The following MDGA2 variants were observed in gnomAD, a reference collection of about 807,000 sequenced individuals.
MDGA2 encodes MAM domain containing glycosylphosphatidylinositol anchor 2.
In MDGA2, 40 loss-of-function variants were observed where a neutral mutation model predicts 117.8. The ratio of observed to expected loss-of-function variants is 0.34; its 90% CI spans 0.26 to 0.44. The LOEUF (loss-of-function observed/expected upper bound fraction) is 0.44. Ranked by LOEUF, MDGA2 falls within the 20% of genes least tolerant of loss-of-function variation. The pLI, the probability that MDGA2 is intolerant of heterozygous loss-of-function variation, is 1.00. For missense variants in MDGA2, 1,123 were observed against 1,250.6 expected (o/e 0.90, Z 1.54); for synonymous variants, 452 against 439.0 (o/e 1.03, Z -0.37).
At chr14:47,550,996 C>T (rs1895570245) in intron 1 of MDGA2, among the ~76,000 whole-genome samples, 1 of 151,960 alleles carries the variant, frequency 6.6e-6, no homozygotes, top group Admixed American at 6.6e-5. Context: ...ACCAACCTAG[C>T]CTTTTTAAAG....
intron 2 of MDGA2, among the ~76,000 whole-genome samples, chr14:47,269,663 T>C (rs1364353467): frequency 1.3e-5 from 2 of 152,156 alleles, no homozygotes; most frequent in Non-Finnish European, 2.9e-5. Flanking sequence ...GACTCTAGAA[T>C]TTGGTAAGTT....
At chr14:47,040,584 A>G (rs1236533118) in intron 7 of MDGA2, among the ~76,000 whole-genome samples, 1 of 152,150 alleles carries the variant, frequency 6.6e-6, no homozygotes, top group Non-Finnish European at 1.5e-5. Flanking sequence ...CTGAAGTTTC[A>G]CCAACTAGTT....
Position 47,090,383 on chromosome 14 carries a change from C to CAA in MDGA2, c.1195+6469_1195+6470dup, listed in dbSNP as rs11413326. Among the ~76,000 whole-genome samples, 207 of 149,948 alleles carry CAA rather than the reference C, an allele frequency of 1.4e-3. 2 individuals are homozygous for CAA. The highest frequency in any genetic ancestry group is 3.1e-3 in the African/African-American group (125 of 40,904). On this transcript the variant is annotated intron_variant, in intron 6 of 16. Transcript: ENST00000399232. ...TATTAGGACTCTTAGATCCTATCCA[C>CAA]AAAAAAAAAATGCTGAAATAATTCT...
intron 1 of MDGA2, among the ~76,000 whole-genome samples, chr14:47,388,677 G>T (rs10467721): frequency 0.18 from 27,725 of 152,126 alleles, 2,697 homozygotes; most frequent in Admixed American, 0.26. Flanking sequence ...GGGGTTTGGA[G>T]TGTGAGTTAT....
At chr14:47,494,276 T>G (rs1325154895) in intron 1 of MDGA2, among the ~76,000 whole-genome samples, 1 of 152,190 alleles carries the variant, frequency 6.6e-6, no homozygotes, top group Non-Finnish European at 1.5e-5. Flanking sequence ...CACATGAAAT[T>G]GAGTTTTATA....
intron 8 of MDGA2, among the ~76,000 whole-genome samples, chr14:47,002,607 T>C (rs1184957302): frequency 6.6e-6 from 1 of 151,928 alleles, no homozygotes. Flanking sequence ...TGCATGTCTG[T>C]AATCCCAGCT....
chr14:47,206,666 G>T (rs566243202), intron 3 of MDGA2, among the ~76,000 whole-genome samples: 14 of 152,106 alleles, frequency 9.2e-5, no homozygotes, highest in Non-Finnish European at 4.4e-5. Context: ...GAAGCTGGAG[G>T]ATTGCTTGAG....
chr14:47,634,009 T>C (rs1240445045), intron 1 of MDGA2, among the ~76,000 whole-genome samples: 1 of 152,128 alleles, frequency 6.6e-6, no homozygotes, highest in Non-Finnish European at 1.5e-5. Flanking sequence ...CCAAAGTGTA[T>C]GTAGCCAGTA....
intron 1 of MDGA2, among the ~76,000 whole-genome samples, chr14:47,639,428 G>A (rs2138241964): frequency 6.6e-6 from 1 of 152,196 alleles, no homozygotes; most frequent in East Asian, 1.9e-4. Context: ...GAATATAACA[G>A]AGACAGTAAT....
chr14:47,580,226 A>G (rs1184556589), intron 1 of MDGA2, among the ~76,000 whole-genome samples: 1 of 152,060 alleles, frequency 6.6e-6, no homozygotes, highest in Non-Finnish European at 1.5e-5. Flanking sequence ...TTTCTGAGGC[A>G]GGGAAGTCCA....
chr14:47,552,875 ACAT>A (rs1895611024), intron 1 of MDGA2, among the ~76,000 whole-genome samples: 1 of 152,208 alleles, frequency 6.6e-6, no homozygotes, highest in Non-Finnish European at 1.5e-5. Flanking sequence ...AGCTCTTGCT[ACAT>A]CATCTTTGTA....
At chr14:47,587,031 T>C (rs1896338247) in intron 1 of MDGA2, among the ~76,000 whole-genome samples, 1 of 151,906 alleles carries the variant, frequency 6.6e-6, no homozygotes, top group Non-Finnish European at 1.5e-5. Context: ...TTATGCTATG[T>C]GCTCCTACAA....
chr14:46,941,286 G>C (rs752148998), intron 9 of MDGA2, among the ~76,000 whole-genome samples: 3 of 152,188 alleles, frequency 2.0e-5, no homozygotes, highest in Non-Finnish European at 4.4e-5. Flanking sequence ...TAAGTAATGT[G>C]AAATTATAAG....
At chr14:47,641,129 A>C (rs572686480) in intron 1 of MDGA2, among the ~76,000 whole-genome samples, 8 of 152,210 alleles carry the variant, frequency 5.3e-5, no homozygotes, top group East Asian at 3.9e-4. Context: ...TCATATGTAC[A>C]CCTATACATA....
In MDGA2 at chr14:47,514,970, T is replaced by C. The variant is rs553481927; in HGVS notation, c.280+159547A>G. ...TTTAAGCCTAGTTATCTCTAAAATA[T>C]AGATTAACTATGTTTTGTCTCTTCA... On this transcript the variant is annotated intron_variant, in intron 1 of 16. Transcript: ENST00000399232. Among the ~76,000 whole-genome samples, 7 of 152,306 alleles carry C rather than the reference T, an allele frequency of 4.6e-5. No individual in the cohort carries two copies. In the South Asian group the frequency reaches 1.2e-3, roughly 27 times the overall value.
chr14:47,138,651 G>A lies in MDGA2; in HGVS notation c.792+5427C>T, dbSNP rs532779680. Among the ~76,000 whole-genome samples the A allele has an allele frequency of 2.0e-4, 31 of 152,048 alleles. No homozygotes were observed. The South Asian group carries it at 2.3e-3, about 11-fold the overall frequency. The stretch of plus-strand genomic sequence containing the variant: ...TGCTGTAATGAAGCAGCCTCAAGCC[G>A]TATTTCCATATTACTTATAAAATAA... On this transcript the variant is annotated intron_variant, in intron 4 of 16. Coordinates refer to ENST00000399232, the MANE Select transcript of MDGA2 (RefSeq NM_001113498.3).
intron 1 of MDGA2, among the ~76,000 whole-genome samples, chr14:47,645,334 C>T (rs1897507190): frequency 6.6e-6 from 1 of 152,008 alleles, no homozygotes; most frequent in Non-Finnish European, 1.5e-5. Flanking sequence ...AGCTCCGCCT[C>T]CCGGGTTCAC....
intron 1 of MDGA2, among the ~76,000 whole-genome samples, chr14:47,601,176 A>C (rs138025549): frequency 6.6e-6 from 1 of 152,176 alleles, no homozygotes; most frequent in Admixed American, 6.5e-5. Flanking sequence ...AATAAATACT[A>C]GTCAGGGCCA....
chr14:47,286,969 G>A (rs368718870), intron 2 of MDGA2, among the ~76,000 whole-genome samples: 2 of 151,276 alleles, frequency 1.3e-5, no homozygotes, highest in East Asian at 1.9e-4. Flanking sequence ...ATAATTCTAC[G>A]ATAATCATTA....
Sources: allele counts gnomAD v4.1 joint callset (sites outside exome capture counted in the v4.1 genomes callset), GRCh38; gene constraint gnomAD v4.1.1; transcripts MANE v1.5; gene names NCBI Gene and HGNC (gene_info 2026-07-23, HGNC 2026-07-21).